Variants in SOX5 observed in about 807,000 individuals in gnomAD.
The protein encoded by SOX5 is transcription factor SOX-5.
A neutral mutation model predicts 92.0 loss-of-function variants in SOX5; 9 were observed. The ratio of observed to expected loss-of-function variants is 0.10; its 90% CI spans 0.06 to 0.17. SOX5 has a LOEUF of 0.17. SOX5 is among the 10% of genes least tolerant of loss of function. The probability of loss-of-function intolerance (pLI) is 1.00; values close to 1 mark genes in which losing one functional copy is unlikely to be tolerated. For missense variants in SOX5, 642 were observed against 944.5 expected (o/e 0.68, Z 4.20); for synonymous variants, 344 against 336.3 (o/e 1.02, Z -0.25).
chr12:23,858,421 C>G (rs1005454506), intron 2 of SOX5, among the ~76,000 whole-genome samples: 1 of 151,918 alleles, frequency 6.6e-6, no homozygotes, highest in Admixed American at 6.6e-5. Context: ...CGCACATGCA[C>G]CCAACAAGCA....
chr12:23,621,375 G>C (rs1420319520), intron 8 of SOX5, among the ~76,000 whole-genome samples: 1 of 152,074 alleles, frequency 6.6e-6, no homozygotes, highest in Non-Finnish European at 1.5e-5. Context: ...CACAGACAGT[G>C]GTGATGGTTA....
intron 4 of SOX5, among the ~76,000 whole-genome samples, chr12:24,108,016 C>T (rs1182848432): frequency 6.6e-6 from 1 of 152,118 alleles, no homozygotes; most frequent in Non-Finnish European, 1.5e-5. Flanking sequence ...TTTCTTCAGG[C>T]ATCTTGTAAA....
intron 7 of SOX5, among the ~76,000 whole-genome samples, chr12:23,661,867 A>G (rs1459744877): frequency 2.6e-5 from 4 of 152,178 alleles, no homozygotes; most frequent in African/African-American, 7.2e-5. Flanking sequence ...AAGGGCTGCA[A>G]TAATTATTTT....
chr12:23,734,619 TTAAGGA>T lies in SOX5; in HGVS notation c.810+59_810+64del, dbSNP rs2093518061. On this transcript the variant is annotated intron_variant, in intron 6 of 14. Transcript: ENST00000451604. ...TTTGGAGGTCATTTCAGTTAGGTAT[TTAAGGA>T]TAAGAAACAGAATATATATTTTTTA... The T allele has an allele frequency of 4.1e-6, 5 of 1,225,480 alleles. No homozygotes were observed. The East Asian group carries it at 1.3e-4, about 31-fold the overall frequency. 75.9% of individuals were successfully genotyped at this position (1,225,480 alleles called of 1,614,324 possible).
At chr12:24,350,108 G>A (rs562852598) in intron 2 of SOX5, among the ~76,000 whole-genome samples, 2 of 152,322 alleles carry the variant, frequency 1.3e-5, no homozygotes, top group South Asian at 4.1e-4. Flanking sequence ...GATGTAGTCT[G>A]TAATTAAAAC....
chr12:24,301,750 G>T (rs968817284), intron 2 of SOX5, among the ~76,000 whole-genome samples: 1 of 152,080 alleles, frequency 6.6e-6, no homozygotes, highest in Non-Finnish European at 1.5e-5. Context: ...GTCCTGGGTG[G>T]AGGATGAAGA....
At chr12:23,565,690 G>C (rs1358559555) in intron 10 of SOX5, among the ~76,000 whole-genome samples, 1 of 152,174 alleles carries the variant, frequency 6.6e-6, no homozygotes, top group African/African-American at 2.4e-5. Context: ...TGTGCAGGTA[G>C]AAATAACTGT....
chr12:23,926,919 A>G (rs1940119244), intron 1 of SOX5, among the ~76,000 whole-genome samples: 1 of 152,102 alleles, frequency 6.6e-6, no homozygotes, highest in South Asian at 2.1e-4. Context: ...ATCCATCTGC[A>G]TTGGGTAATA....
intron 4 of SOX5, among the ~76,000 whole-genome samples, chr12:24,029,168 G>A (rs552691062): frequency 1.3e-5 from 2 of 152,090 alleles, no homozygotes; most frequent in East Asian, 1.9e-4. Context: ...TCTATTGACT[G>A]TAGTTCCTTT....
At chr12:23,622,010 G>C (rs958403546) in intron 8 of SOX5, among the ~76,000 whole-genome samples, 1 of 152,076 alleles carries the variant, frequency 6.6e-6, no homozygotes, top group African/African-American at 2.4e-5. Flanking sequence ...AATGACCTTT[G>C]GATGTGACAA....
chr12:23,577,288 A>C (rs1444198056), intron 9 of SOX5, among the ~76,000 whole-genome samples: 1 of 143,442 alleles, frequency 7.0e-6, no homozygotes, highest in African/African-American at 2.6e-5. Context: ...TCCGCCTGCC[A>C]CTTCAAGTGA....
At chr12:24,102,479 G>A (rs1383530580) in intron 4 of SOX5, among the ~76,000 whole-genome samples, 1 of 152,154 alleles carries the variant, frequency 6.6e-6, no homozygotes, top group African/African-American at 2.4e-5. Flanking sequence ...ATAAATGCAG[G>A]ATAGGGAAAC....
chr12:24,137,243 A>G (rs1053498496), intron 4 of SOX5, among the ~76,000 whole-genome samples: 1 of 152,150 alleles, frequency 6.6e-6, no homozygotes, highest in African/African-American at 2.4e-5. Flanking sequence ...ATGAATCTAC[A>G]CTGGGCAAGT....
chr12:23,714,998 G>A (rs79274668), intron 6 of SOX5, among the ~76,000 whole-genome samples: 6,227 of 152,134 alleles, frequency 0.041, 419 homozygotes, highest in African/African-American at 0.14. Flanking sequence ...ATTGGTTACA[G>A]TTAATAACTA....
At chr12:24,141,168 A>T (rs1320448025) in intron 4 of SOX5, among the ~76,000 whole-genome samples, 1 of 152,174 alleles carries the variant, frequency 6.6e-6, no homozygotes, top group Non-Finnish European at 1.5e-5. Flanking sequence ...TGGCTAAAAA[A>T]CAAGGTATAT....
intron 2 of SOX5, among the ~76,000 whole-genome samples, chr12:23,868,935 T>A (rs1468377017): frequency 6.6e-6 from 1 of 152,154 alleles, no homozygotes; most frequent in Non-Finnish European, 1.5e-5. Context: ...TAATTTTTGA[T>A]AGCATTCAAG....
chr12:24,332,067 A>G (rs1951397335), intron 2 of SOX5, among the ~76,000 whole-genome samples: 1 of 152,102 alleles, frequency 6.6e-6, no homozygotes. Context: ...AGAAAGCATA[A>G]AAGGAAGGAT....
At chr12:24,358,320 T>C (rs1026261314) in intron 2 of SOX5, among the ~76,000 whole-genome samples, 1 of 152,234 alleles carries the variant, frequency 6.6e-6, no homozygotes, top group Non-Finnish European at 1.5e-5. Flanking sequence ...GATTTCCTTT[T>C]ACCAATAAGA....
At chr12:24,236,285 A>T (rs896553311) in intron 3 of SOX5, among the ~76,000 whole-genome samples, 12 of 152,176 alleles carry the variant, frequency 7.9e-5, no homozygotes, top group African/African-American at 2.9e-4. Flanking sequence ...CATTCTTCTC[A>T]TATCTGTTAG....
Sources: allele counts gnomAD v4.1 joint callset (sites outside exome capture counted in the v4.1 genomes callset), GRCh38; gene constraint gnomAD v4.1.1; transcripts MANE v1.5; gene names NCBI Gene and HGNC (gene_info 2026-07-23, HGNC 2026-07-21).